The following KLRD1 variants were observed in gnomAD, a reference collection of about 807,000 sequenced individuals.
KLRD1 encodes the protein natural killer cells antigen CD94.
Under a neutral mutation model 22.6 loss-of-function variants are expected in KLRD1, and 21 were observed. The observed-to-expected ratio is 0.93, with a 90% CI of 0.66 to 1.34. The LOEUF is 1.34. Among genes scored for constraint, KLRD1 ranks in the 40% most tolerant of loss-of-function variants. The pLI is 0.00. For synonymous variants in KLRD1, 59 were observed against 71.1 expected, an observed-to-expected ratio of 0.83 and a Z score of 0.85; for missense variants, 183 against 208.6, an observed-to-expected ratio of 0.88 and a Z score of 0.76.
intron 1 of KLRD1, among the ~76,000 whole-genome samples, chr12:10,255,671 T>C (rs903571882): frequency 2.0e-5 from 3 of 152,208 alleles, no homozygotes; most frequent in African/African-American, 7.2e-5. Flanking sequence ...AATTCTAGTT[T>C]CATTCCATTG....
intron 1 of KLRD1, among the ~76,000 whole-genome samples, chr12:10,257,142 T>TC (rs1555101691): frequency 6.2e-4 from 64 of 103,966 alleles, no homozygotes; most frequent in African/African-American, 2.0e-3. Context: ...TTCTTTTCTT[T>TC]TTTTTTTTTT....
At chr12:10,287,570 C>T (rs896318284) in intron 1 of KLRD1, among the ~76,000 whole-genome samples, 11 of 151,992 alleles carry the variant, frequency 7.2e-5, no homozygotes, top group Non-Finnish European at 1.5e-4. Flanking sequence ...ATTATAAAAC[C>T]TATAAATAGA....
intron 1 of KLRD1, among the ~76,000 whole-genome samples, chr12:10,253,013 C>T (rs1949359481): frequency 6.6e-6 from 1 of 151,340 alleles, no homozygotes; most frequent in African/African-American, 2.4e-5. Context: ...TTTGACAATC[C>T]TCTGCATAAA....
chr12:10,287,481 A>G (rs1949718589), intron 1 of KLRD1, among the ~76,000 whole-genome samples: 1 of 152,202 alleles, frequency 6.6e-6, no homozygotes, highest in African/African-American at 2.4e-5. Flanking sequence ...AACAAATCCA[A>G]ATAAATTCTA....
Position 10,321,208 on chromosome 12 carries a change from T to G in KLRD1, c.*6415T>G, listed in dbSNP as rs530872874. The G allele has an allele frequency of 6.6e-6, 1 of 152,334 alleles. No homozygotes were observed. Among genetic ancestry groups the G allele is most frequent in the South Asian group, 2.1e-4 (1 of 4,828 alleles). The allele number at this position is 152,334 out of a possible 1,614,324, so 9.4% of individuals were successfully genotyped here. On this transcript the variant is annotated 3_prime_UTR_variant, in exon 6 of 6. Transcript: ENST00000336164. ...GTAATTCTCATGCCCCTCCCTCTTTTGAACAAGGATGTCTATAGTTTGTTC... is the reference window on the plus strand; with the variant it reads ...GTAATTCTCATGCCCCTCCCTCTTTGGAACAAGGATGTCTATAGTTTGTTC...
chr12:10,275,904 G>A (rs1949587997), intron 1 of KLRD1, among the ~76,000 whole-genome samples: 2 of 152,140 alleles, frequency 1.3e-5, no homozygotes, highest in Admixed American at 1.3e-4. Flanking sequence ...ACCCCAGAGT[G>A]TTTCCTGCAT....
At chr12:10,268,159 G>A (rs1949516579) in intron 1 of KLRD1, among the ~76,000 whole-genome samples, 1 of 152,202 alleles carries the variant, frequency 6.6e-6, no homozygotes, top group South Asian at 2.1e-4. Context: ...GACAGAGAGG[G>A]AGATTATTGC....
upstream of KLRD1, among the ~76,000 whole-genome samples, chr12:10,303,635 TG>T (rs147720526): frequency 6.6e-6 from 1 of 152,294 alleles, no homozygotes; most frequent in East Asian, 1.9e-4. Context: ...ATAACCAGCT[TG>T]AAATATGCCA....
intron 1 of KLRD1, among the ~76,000 whole-genome samples, chr12:10,258,023 A>G (rs1949416003): frequency 6.7e-6 from 1 of 149,954 alleles, no homozygotes; most frequent in Non-Finnish European, 1.5e-5. Context: ...GAGTGTCTTA[A>G]TGTCCTGGAG....
upstream of KLRD1, among the ~76,000 whole-genome samples, chr12:10,299,797 G>C (rs2617123): frequency 0.99 from 151,567 of 152,332 alleles, 75,408 homozygotes; most frequent in Middle Eastern, 1. Context: ...GCATTTTACC[G>C]ACAGTGGAAC....
At chr12:10,259,883 T>C (rs1949431982) in intron 1 of KLRD1, among the ~76,000 whole-genome samples, 1 of 152,188 alleles carries the variant, frequency 6.6e-6, no homozygotes, top group African/African-American at 2.4e-5. Context: ...GGAGACTTGC[T>C]TGAACCCAGG....
chr12:10,281,287 G>A (rs1220831724), intron 1 of KLRD1, among the ~76,000 whole-genome samples: 2 of 152,154 alleles, frequency 1.3e-5, no homozygotes. Flanking sequence ...ATTCAGCCCT[G>A]CTGTAACCTT....
In KLRD1 at chr12:10,328,844, C is replaced by T. The variant is rs1015970955; in HGVS notation, c.*14051C>T. ...CACGTGGCTGGGGAGGCCTCACTAT[C>T]ATGGCAGAAGGTAAAACACATGTCT... On this transcript the variant is annotated 3_prime_UTR_variant, in exon 6 of 6. Coordinates refer to ENST00000336164, the MANE Select transcript of KLRD1 (RefSeq NM_002262.5). 1 of 152,230 alleles carries T rather than the reference C, an allele frequency of 6.6e-6. No individual in the cohort carries two copies. The highest frequency in any genetic ancestry group is 1.5e-5 in the Non-Finnish European group (1 of 68,106). 9.4% of individuals were successfully genotyped at this position (152,230 alleles called of 1,614,324 possible).
chr12:10,311,386 AT>A, intron 3 of KLRD1, 77 bp from the exon 4 acceptor site: 2 of 1,380,296 alleles, frequency 1.4e-6, no homozygotes, highest in Non-Finnish European at 2.0e-6. Context: ...ACAGCAAATA[AT>A]TTTTGAATAA....
chr12:10,319,431 G>A lies in KLRD1; in HGVS notation c.*4638G>A, dbSNP rs957066070. 2.6e-4 allele frequency: 40 copies of A among 152,124 alleles called. No individual in the cohort carries two copies. The highest frequency in any genetic ancestry group is 8.9e-4 in the African/African-American group (37 of 41,412). The allele number at this position is 152,124 out of a possible 1,614,324, so 9.4% of individuals were successfully genotyped here. ...TCCCACCTTGTGCTATACATGCCTT[G>A]GTGGAATTTCTTTCCACATTGTATC... On this transcript the variant is annotated 3_prime_UTR_variant, in exon 6 of 6. Coordinates refer to ENST00000336164, the MANE Select transcript of KLRD1 (RefSeq NM_002262.5).
At chr12:10,300,952 C>G (rs949154715), upstream of KLRD1, among the ~76,000 whole-genome samples, 2 of 152,174 alleles carry the variant, frequency 1.3e-5, no homozygotes, top group African/African-American at 4.8e-5. Flanking sequence ...GCTTCCTCAC[C>G]ATTCTCAGCT....
At chr12:10,251,881 G>A (rs893150174) in intron 1 of KLRD1, among the ~76,000 whole-genome samples, 1 of 152,106 alleles carries the variant, frequency 6.6e-6, no homozygotes, top group African/African-American at 2.4e-5. Flanking sequence ...ATGGGGAGTG[G>A]TTGTAAATAT....
chr12:10,261,086 A>G (rs905778424), intron 1 of KLRD1, among the ~76,000 whole-genome samples: 3 of 152,204 alleles, frequency 2.0e-5, no homozygotes, highest in African/African-American at 7.2e-5. Flanking sequence ...TGATGTGTAT[A>G]TACAAGTTCA....
At position 10,243,631 on chromosome 12, in the gene KLRD1, A is replaced by AAAAAAAAAAAAAAAG. The variant is rs771543645; in HGVS notation, c.-101+17400_-101+17401insAAAAAAAAAAAAGAA. On this transcript the variant is annotated intron_variant, in intron 1 of 5. Transcript: ENST00000544747. ...CCAAAAAAAAAAAAAAAAAAAAAAA[A>AAAAAAAAAAAAAAAG]AACCGAAATGAAAGATATGGAACAA... Among the ~76,000 whole-genome samples the AAAAAAAAAAAAAAAG allele has an allele frequency of 5.2e-4, 62 of 118,776 alleles. 9 individuals are homozygous for AAAAAAAAAAAAAAAG. Among genetic ancestry groups the AAAAAAAAAAAAAAAG allele is most frequent in the African/African-American group, 1.7e-3 (42 of 24,114 alleles). The allele number at this position is 118,776 out of a possible 152,430, so 77.9% of individuals were successfully genotyped here.
Sources: gnomAD v4.1 joint callset for allele counts (sites outside exome capture counted in the v4.1 genomes callset) on GRCh38, gnomAD v4.1.1 for gene constraint, MANE v1.5 for transcripts, NCBI Gene and HGNC (gene_info 2026-07-23, HGNC 2026-07-21) for gene names.